The following ABCA13 variants were observed in gnomAD, a reference collection of about 807,000 sequenced individuals.
ABCA13 encodes ATP-binding cassette sub-family A member 13.
A neutral mutation model predicts 478.7 loss-of-function variants in ABCA13; 476 were observed. The ratio of observed to expected loss-of-function variants is 0.99; its 90% CI spans 0.92 to 1.07. ABCA13 has a LOEUF of 1.07. Ranked by LOEUF, ABCA13 falls within the 50% of genes least tolerant of loss-of-function variation. ABCA13 has a pLI of 0.00. For missense variants in ABCA13, 6,060 were observed against 5,910.6 expected, an observed-to-expected ratio of 1.03 and a Z score of -0.83; for synonymous variants, 2,252 against 2,158.9, an observed-to-expected ratio of 1.04 and a Z score of -1.20.
intron 58 of ABCA13, among the ~76,000 whole-genome samples, chr7:48,595,580 C>G (rs946429568): frequency 6.6e-6 from 1 of 152,094 alleles, no homozygotes; most frequent in Non-Finnish European, 1.5e-5. Flanking sequence ...ACTTCTGGGT[C>G]GGAGATGAAA....
intron 13 of ABCA13, among the ~76,000 whole-genome samples, chr7:48,246,564 A>G (rs1791716659): frequency 6.6e-6 from 1 of 150,882 alleles, no homozygotes; most frequent in South Asian, 2.1e-4. Context: ...TACAATATTT[A>G]TATTTTTAGA....
chr7:48,407,849 ATATTAT>A (rs1228042894), intron 39 of ABCA13, among the ~76,000 whole-genome samples: 4 of 152,162 alleles, frequency 2.6e-5, no homozygotes, highest in Non-Finnish European at 5.9e-5. Context: ...TATGTACATT[ATATTAT>A]TAATAGGTAT....
intron 26 of ABCA13, 55 bp downstream of exon 26, chr7:48,314,464 T>A: frequency 7.0e-7 from 1 of 1,431,256 alleles, no homozygotes; most frequent in Non-Finnish European, 9.4e-7. Context: ...ATCTTGATAA[T>A]TGGCCTTAAA....
chr7:48,462,127 T>C (rs4917144), intron 43 of ABCA13, among the ~76,000 whole-genome samples: 28,515 of 152,036 alleles, frequency 0.19, 3,102 homozygotes, highest in African/African-American at 0.29. Context: ...TTTCTTCTCT[T>C]GTACTCTCTC....
At position 48,524,243 on chromosome 7, in the gene ABCA13, C is replaced by T. The variant is rs771663305; in HGVS notation, c.14052-5C>T. Reference sequence around the variant, plus strand: ...TGTGAATTCACTCTGATTTCATCTTCCCAGGGGTCATTCTACTCTCCAAGG... The same window carrying T: ...TGTGAATTCACTCTGATTTCATCTTTCCAGGGGTCATTCTACTCTCCAAGG... On this transcript the variant is annotated splice_polypyrimidine_tract_variant and splice_region_variant and intron_variant, in intron 53 of 61. Transcript: ENST00000435803. 2.5e-6 allele frequency: 4 copies of T among 1,608,782 alleles called. No individual in the cohort carries two copies. The African/African-American group carries it at 4.0e-5, about 16-fold the overall frequency.
At chr7:48,621,644 T>G (rs1424209844) in intron 59 of ABCA13, among the ~76,000 whole-genome samples, 1 of 152,158 alleles carries the variant, frequency 6.6e-6, no homozygotes, top group Non-Finnish European at 1.5e-5. Flanking sequence ...CCTTAAATTA[T>G]TTTTTTGATA....
chr7:48,465,836 C>T (rs1159724730), intron 43 of ABCA13, among the ~76,000 whole-genome samples: 1 of 151,826 alleles, frequency 6.6e-6, no homozygotes, highest in Non-Finnish European at 1.5e-5. Context: ...CTTTCTCTCC[C>T]CTATTCTTCC....
rs984064223 is a variant in ABCA13 at position 48,646,199 on chromosome 7, C to T, written c.*687C>T. Reference sequence around the variant, plus strand: ...TCAATTACAGTAGTTCTACCAGAATCTCCCAGGTTATAATTTATGAGGGTA... The same window carrying T: ...TCAATTACAGTAGTTCTACCAGAATTTCCCAGGTTATAATTTATGAGGGTA... On this transcript the variant is annotated 3_prime_UTR_variant, in exon 62 of 62. Transcript: ENST00000435803. 6.6e-6 allele frequency: 1 copy of T among 152,276 alleles called. No individual in the cohort carries two copies. The allele number at this position is 152,276 out of a possible 1,614,324, so 9.4% of individuals were successfully genotyped here. A position where few individuals can be genotyped will look rare whatever the true frequency, so the allele number is the denominator to read the frequency against.
At chr7:48,425,183 A>G (rs1253144821) in intron 41 of ABCA13, among the ~76,000 whole-genome samples, 1 of 152,114 alleles carries the variant, frequency 6.6e-6, no homozygotes, top group Non-Finnish European at 1.5e-5. Flanking sequence ...GTGTGCATTC[A>G]AACATGTGCA....
In ABCA13 at chr7:48,273,484, A is replaced by G; in HGVS notation, c.3818A>G (p.Asn1273Ser). Residue 1273 changes from asparagine to serine, a missense_variant, in exon 17 of 62, where the codon AAC becomes AGC. Transcript: ENST00000435803. ...ALHQLKTFPF[N>S]ESTSREFLNS... ...CATCAGTTGAAGACATTTCCATTCA[A>G]CGAAAGTACAAGCAGAGAGTTTTTA... The G allele has an allele frequency of 3.7e-6, 6 of 1,605,576 alleles. No homozygotes were observed. Among genetic ancestry groups the G allele is most frequent in the South Asian group, 1.1e-5 (1 of 89,956 alleles).
intron 23 of ABCA13, among the ~76,000 whole-genome samples, chr7:48,298,926 A>G (rs1347818033): frequency 2.0e-5 from 3 of 152,182 alleles, no homozygotes; most frequent in African/African-American, 7.2e-5. Flanking sequence ...CAGTCTGACT[A>G]TGTGCTACCG....
chr7:48,223,867 G>A (rs1186212161), intron 5 of ABCA13, among the ~76,000 whole-genome samples: 3 of 151,138 alleles, frequency 2.0e-5, no homozygotes, highest in African/African-American at 7.3e-5. Flanking sequence ...GCTGAGGCAC[G>A]AGAATTGCTT....
chr7:48,321,146 C>A (rs1223344868), intron 27 of ABCA13, among the ~76,000 whole-genome samples: 1 of 152,076 alleles, frequency 6.6e-6, no homozygotes, highest in Non-Finnish European at 1.5e-5. Flanking sequence ...GTGACAGTAT[C>A]TGAAGATATT....
chr7:48,626,600 A>G (rs778067353), intron 59 of ABCA13: 22 of 985,454 alleles, frequency 2.2e-5, no homozygotes, highest in Non-Finnish European at 2.7e-5. Context: ...GTTCTCTAGT[A>G]GGAAGTTAAA....
intron 23 of ABCA13, among the ~76,000 whole-genome samples, chr7:48,307,518 C>G (rs982710890): frequency 2.6e-5 from 4 of 152,124 alleles, no homozygotes; most frequent in Admixed American, 2.6e-4. Context: ...CTGGGTGAGT[C>G]AGTGAGTGAG....
intron 53 of ABCA13, among the ~76,000 whole-genome samples, chr7:48,520,565 T>C (rs1408610702): frequency 6.6e-6 from 1 of 151,636 alleles, no homozygotes; most frequent in South Asian, 2.1e-4. Context: ...AAATTTTTTT[T>C]ATTGTACTTT....
At chr7:48,213,220 G>T (rs766965858) in intron 3 of ABCA13, among the ~76,000 whole-genome samples, 17 of 152,088 alleles carry the variant, frequency 1.1e-4, no homozygotes, top group Non-Finnish European at 2.4e-4. Flanking sequence ...AAAATCAGTT[G>T]ATTTGTTAAT....
intron 9 of ABCA13, 66 bp downstream of exon 9, chr7:48,239,471 C>T: frequency 6.7e-7 from 1 of 1,486,970 alleles, no homozygotes; most frequent in South Asian, 1.4e-5. Flanking sequence ...ATCCATTCTC[C>T]TCCCCTGCCC....
intron 29 of ABCA13, among the ~76,000 whole-genome samples, chr7:48,345,781 A>G (rs1807982152): frequency 2.0e-5 from 3 of 152,212 alleles, no homozygotes; most frequent in African/African-American, 7.2e-5. Flanking sequence ...TAAAGTGTAT[A>G]AAGTTTATAA....
Sources: allele counts gnomAD v4.1 joint callset (sites outside exome capture counted in the v4.1 genomes callset), GRCh38; gene constraint gnomAD v4.1.1; transcripts MANE v1.5; gene names NCBI Gene and HGNC (gene_info 2026-07-23, HGNC 2026-07-21).